NCALD: variants seen among roughly 807,000 people sequenced by gnomAD.
The protein encoded by NCALD is neurocalcin-delta.
In NCALD, 10 loss-of-function variants were observed where a neutral mutation model predicts 18.6. The ratio of observed to expected loss-of-function variants is 0.54; its 90% CI spans 0.33 to 0.91. The LOEUF (loss-of-function observed/expected upper bound fraction) is 0.91, where lower values mean the gene tolerates loss of function less well. Ranked by LOEUF, NCALD falls within the 40% of genes least tolerant of loss-of-function variation. The probability of loss-of-function intolerance (pLI) is 0.03; values close to 1 mark genes in which losing one functional copy is unlikely to be tolerated. For synonymous variants in NCALD, 88 were observed against 87.4 expected, an observed-to-expected ratio of 1.01 and a Z score of -0.04; for missense variants, 184 against 247.6, an observed-to-expected ratio of 0.74 and a Z score of 1.72.
chr8:101,890,096 A>C (rs1816819194), intron 3 of NCALD, among the ~76,000 whole-genome samples: 1 of 152,216 alleles, frequency 6.6e-6, no homozygotes, highest in Non-Finnish European at 1.5e-5. Context: ...TATGTGAGAC[A>C]AGTTTGCAAC....
At chr8:101,965,545 A>G (rs1348717551) in intron 2 of NCALD, among the ~76,000 whole-genome samples, 1 of 152,218 alleles carries the variant, frequency 6.6e-6, no homozygotes, top group Admixed American at 6.5e-5. Context: ...GTTCTCACTC[A>G]TAAGTGGGAG....
intron 2 of NCALD, among the ~76,000 whole-genome samples, chr8:102,003,601 C>T (rs1821570383): frequency 6.6e-6 from 1 of 152,192 alleles, no homozygotes; most frequent in Non-Finnish European, 1.5e-5. Context: ...ACCAATATCC[C>T]TGATGAACAT....
intron 1 of NCALD, among the ~76,000 whole-genome samples, chr8:102,123,505 C>T (rs1587131431): frequency 6.6e-6 from 1 of 151,806 alleles, no homozygotes; most frequent in East Asian, 1.9e-4. Context: ...ACAGGGAGAC[C>T]TCCTGCCCCT....
upstream of NCALD, among the ~76,000 whole-genome samples, chr8:101,792,006 G>T (rs538744301): frequency 6.6e-6 from 1 of 152,078 alleles, no homozygotes; most frequent in African/African-American, 2.4e-5. Context: ...ATGGGAAGCC[G>T]ATTAAACAAA....
chr8:102,063,521 CA>C (rs1172449144), intron 1 of NCALD, among the ~76,000 whole-genome samples: 2 of 149,876 alleles, frequency 1.3e-5, no homozygotes, highest in Non-Finnish European at 2.9e-5. Context: ...GATAAAGGGA[CA>C]TTTTTTTAAG....
At chr8:102,112,843 T>G (rs1405457385) in intron 1 of NCALD, among the ~76,000 whole-genome samples, 3 of 152,096 alleles carry the variant, frequency 2.0e-5, no homozygotes, top group Admixed American at 2.0e-4. Context: ...CACCTCCCCC[T>G]CCCCTTGCTT....
At chr8:102,063,745 C>CA (rs997694775) in intron 1 of NCALD, among the ~76,000 whole-genome samples, 9 of 152,170 alleles carry the variant, frequency 5.9e-5, no homozygotes, top group Non-Finnish European at 1.5e-5. Context: ...ATAGGGTGGA[C>CA]AGCTGCCAGT....
intron 2 of NCALD, among the ~76,000 whole-genome samples, chr8:101,695,322 C>A (rs1377823027): frequency 1.3e-5 from 2 of 152,176 alleles, no homozygotes; most frequent in Non-Finnish European, 2.9e-5. Context: ...TATCAATCTT[C>A]TTTGGGGCTG....
intron 1 of NCALD, among the ~76,000 whole-genome samples, chr8:101,759,088 C>T (rs938220102): frequency 2.5e-4 from 38 of 152,288 alleles, no homozygotes; most frequent in African/African-American, 8.9e-4. Flanking sequence ...ATAATTCAAC[C>T]AGCCAAGCAC....
At chr8:102,062,603 C>T (rs1022306416) in intron 1 of NCALD, among the ~76,000 whole-genome samples, 1 of 152,232 alleles carries the variant, frequency 6.6e-6, no homozygotes, top group Non-Finnish European at 1.5e-5. Context: ...CACAGAATCT[C>T]AGTCTCACAC....
chr8:101,887,411 T>A (rs577592526), intron 3 of NCALD, among the ~76,000 whole-genome samples: 1 of 152,172 alleles, frequency 6.6e-6, no homozygotes, highest in African/African-American at 2.4e-5. Context: ...TACTCAGGAA[T>A]GAGTCTTGTA....
intron 2 of NCALD, among the ~76,000 whole-genome samples, chr8:101,942,328 C>T (rs1307312720): frequency 6.6e-6 from 1 of 152,158 alleles, no homozygotes; most frequent in African/African-American, 2.4e-5. Flanking sequence ...GGCCAAAAAC[C>T]TTTCTGTGCT....
chr8:101,868,704 G>A (rs1373043119), intron 4 of NCALD, among the ~76,000 whole-genome samples: 2 of 152,172 alleles, frequency 1.3e-5, no homozygotes, highest in East Asian at 3.9e-4. Context: ...CAACCAGACT[G>A]ATCACAGGCC....
At chr8:101,778,985 C>T (rs1026378755) in intron 1 of NCALD, among the ~76,000 whole-genome samples, 5 of 151,998 alleles carry the variant, frequency 3.3e-5, no homozygotes, top group South Asian at 2.1e-4. Context: ...GGGGATGGAG[C>T]TACCTATAAA....
intron 1 of NCALD, among the ~76,000 whole-genome samples, chr8:102,111,340 C>T (rs74880064): frequency 0.017 from 2,626 of 152,118 alleles, 102 homozygotes; most frequent in African/African-American, 0.06. Context: ...GGGAACTCAA[C>T]ATCACTGACT....
chr8:101,897,994 A>C (rs1383396746), intron 3 of NCALD, among the ~76,000 whole-genome samples: 1 of 152,112 alleles, frequency 6.6e-6, no homozygotes, highest in Admixed American at 6.5e-5. Context: ...TGGTTTTGTC[A>C]GGGGCTTCCC....
rs185669785 is a variant in NCALD, at chr8:102,015,608, C to T, written c.-157+4629G>A. 8.9e-4 allele frequency among the ~76,000 whole-genome samples: 135 copies of T among 152,046 alleles called. 1 individual carries two copies. The Middle Eastern group carries it at 0.02, about 23-fold the overall frequency. On this transcript the variant is annotated intron_variant, in intron 2 of 6. Transcript: ENST00000311028. ...GAGAACATCACTCTCATCCTAACAA[C>T]AAGAAAAGCTTCATAATCAACAAAA... is the stretch of plus-strand genomic sequence containing the variant.
At chr8:101,871,987 T>C in intron 4 of NCALD, 1 of 839,032 alleles carries the variant, frequency 1.2e-6, no homozygotes. Flanking sequence ...TCTGGTCAGG[T>C]TCATGCCGCC....
At chr8:101,809,912 G>C (rs1242832654) in intron 4 of NCALD, among the ~76,000 whole-genome samples, 1 of 152,086 alleles carries the variant, frequency 6.6e-6, no homozygotes, top group Non-Finnish European at 1.5e-5. Flanking sequence ...TGACACTACT[G>C]TACATTTATA....
Sources: gnomAD v4.1 joint callset for allele counts (sites outside exome capture counted in the v4.1 genomes callset) on GRCh38, gnomAD v4.1.1 for gene constraint, MANE v1.5 for transcripts, NCBI Gene and HGNC (gene_info 2026-07-23, HGNC 2026-07-21) for gene names.